RALYL: variants seen among roughly 807,000 people sequenced by gnomAD.
RALYL encodes RALY RNA binding protein like, also known as RNA-binding Raly-like protein.
Under a neutral mutation model 35.1 loss-of-function variants are expected in RALYL, and 29 were observed. The observed-to-expected ratio is 0.83, with a 90% CI of 0.61 to 1.13. The LOEUF (loss-of-function observed/expected upper bound fraction) is 1.13. RALYL is among the 50% of genes most tolerant of loss of function. The probability of loss-of-function intolerance (pLI) is 0.00; values close to 1 mark genes in which losing one functional copy is unlikely to be tolerated. For missense variants in RALYL, 359 were observed against 360.4 expected (o/e 1.00, Z 0.03); for synonymous variants, 120 against 127.6 (o/e 0.94, Z 0.40).
At chr8:84,622,475 C>A (rs1003473151) in intron 2 of RALYL, among the ~76,000 whole-genome samples, 1 of 152,070 alleles carries the variant, frequency 6.6e-6, no homozygotes, top group Admixed American at 6.6e-5. Context: ...AAATTTTGAG[C>A]AGATTTTACA....
chr8:84,479,854 A>G (rs2053863996), intron 1 of RALYL, among the ~76,000 whole-genome samples: 1 of 152,118 alleles, frequency 6.6e-6, no homozygotes, highest in Non-Finnish European at 1.5e-5. Context: ...TCATCTACAG[A>G]ATTTAGAAAC....
intron 3 of RALYL, among the ~76,000 whole-genome samples, chr8:84,797,348 A>G (rs1822180096): frequency 6.6e-6 from 1 of 152,250 alleles, no homozygotes; most frequent in Admixed American, 6.5e-5. Flanking sequence ...GAGGACATTC[A>G]GATAACAGCA....
At chr8:84,543,716 C>CT (rs761073361) in intron 2 of RALYL, among the ~76,000 whole-genome samples, 9 of 151,906 alleles carry the variant, frequency 5.9e-5, no homozygotes, top group Non-Finnish European at 1.0e-4. Context: ...TGACATAACT[C>CT]TAAGAGTCTT....
intron 1 of RALYL, among the ~76,000 whole-genome samples, chr8:84,328,936 T>G (rs1241480617): frequency 6.6e-6 from 1 of 152,186 alleles, no homozygotes. Flanking sequence ...AAGGACGTGA[T>G]TTCATTCGTT....
At chr8:84,732,555 A>C (rs984683636) in intron 2 of RALYL, among the ~76,000 whole-genome samples, 5 of 151,740 alleles carry the variant, frequency 3.3e-5, no homozygotes, top group Non-Finnish European at 7.4e-5. Flanking sequence ...ATGTCATTTC[A>C]GTACAAATTT....
At chr8:84,814,303 C>T (rs1227194878) in intron 4 of RALYL, among the ~76,000 whole-genome samples, 1 of 151,708 alleles carries the variant, frequency 6.6e-6, no homozygotes, top group Non-Finnish European at 1.5e-5. Flanking sequence ...TTATAAAAAG[C>T]AAAAGAAGTT....
At position 84,660,830 on chromosome 8, in the gene RALYL, T is replaced by C. The variant is rs1588840312; in HGVS notation, c.257-113749T>C. 3.3e-5 allele frequency among the ~76,000 whole-genome samples: 5 copies of C among 152,252 alleles called. No individual in the cohort carries two copies. The East Asian group carries it at 9.6e-4, about 29-fold the overall frequency. On this transcript the variant is annotated intron_variant, in intron 2 of 8. Transcript: ENST00000521268. ...ATTTTGAATATATTCCCAAGAGAAT[T>C]TGAAAAGAAAGTTTGGATTCTATTT...
chr8:84,875,950 G>A (rs1841048808), intron 7 of RALYL, among the ~76,000 whole-genome samples: 1 of 152,050 alleles, frequency 6.6e-6, no homozygotes, highest in Admixed American at 6.6e-5. Flanking sequence ...AGAAATAATG[G>A]CAGGAAGGAG....
At chr8:84,209,387 A>G (rs1294899345) in intron 1 of RALYL, among the ~76,000 whole-genome samples, 1 of 152,152 alleles carries the variant, frequency 6.6e-6, no homozygotes, top group Non-Finnish European at 1.5e-5. Flanking sequence ...CAAATTTAGA[A>G]TCAGACATAT....
At chr8:84,595,166 A>G (rs1263581982) in intron 2 of RALYL, among the ~76,000 whole-genome samples, 1 of 152,190 alleles carries the variant, frequency 6.6e-6, no homozygotes, top group Non-Finnish European at 1.5e-5. Context: ...CAGGAACTCC[A>G]TAAAAATAAT....
chr8:84,274,100 A>G (rs2131986062), intron 1 of RALYL, among the ~76,000 whole-genome samples: 1 of 152,312 alleles, frequency 6.6e-6, no homozygotes, highest in Middle Eastern at 3.4e-3. Context: ...GGTCATGATT[A>G]TATGCCTAGA....
At chr8:84,368,501 G>C (rs974284378) in intron 1 of RALYL, among the ~76,000 whole-genome samples, 4 of 152,136 alleles carry the variant, frequency 2.6e-5, no homozygotes, top group African/African-American at 4.8e-5. Context: ...TGCTGATAAA[G>C]ATATACCTGA....
chr8:84,235,761 C>CTTT (rs200486763), intron 1 of RALYL, among the ~76,000 whole-genome samples: 98 of 138,126 alleles, frequency 7.1e-4, no homozygotes, highest in African/African-American at 1.5e-3. Flanking sequence ...TTTTCTTTTT[C>CTTT]TTTTTCTTTT....
At chr8:84,857,750 TTA>T (rs1400239535) in intron 5 of RALYL, among the ~76,000 whole-genome samples, 4 of 152,154 alleles carry the variant, frequency 2.6e-5, no homozygotes, top group African/African-American at 4.8e-5. Flanking sequence ...TGTACATATA[TTA>T]TGTTTTCAAT....
chr8:84,868,199 T>C (rs1839529644), intron 6 of RALYL, among the ~76,000 whole-genome samples: 1 of 152,078 alleles, frequency 6.6e-6, no homozygotes, highest in African/African-American at 2.4e-5. Flanking sequence ...GCAATCTTTT[T>C]AAAGAACACT....
intron 1 of RALYL, among the ~76,000 whole-genome samples, chr8:84,392,007 G>A (rs1240785664): frequency 6.6e-6 from 1 of 152,018 alleles, no homozygotes; most frequent in African/African-American, 2.4e-5. Context: ...GAAATACCAG[G>A]CTTTGAAAGC....
At chr8:84,283,434 G>A (rs1837000084) in intron 1 of RALYL, among the ~76,000 whole-genome samples, 1 of 152,116 alleles carries the variant, frequency 6.6e-6, no homozygotes, top group Non-Finnish European at 1.5e-5. Context: ...AGTCCCATGA[G>A]GAGAAAATGA....
intron 2 of RALYL, among the ~76,000 whole-genome samples, chr8:84,688,114 C>T (rs937403192): frequency 6.6e-6 from 1 of 151,524 alleles, no homozygotes; most frequent in Non-Finnish European, 1.5e-5. Flanking sequence ...TCTCACTCCT[C>T]ATAGTTTTTT....
chr8:84,693,302 C>T (rs1210447428), intron 2 of RALYL, among the ~76,000 whole-genome samples: 1 of 151,688 alleles, frequency 6.6e-6, no homozygotes, highest in East Asian at 1.9e-4. Flanking sequence ...GGAGGCCTCA[C>T]AAAACTTACA....
Sources: gnomAD v4.1 joint callset for allele counts (sites outside exome capture counted in the v4.1 genomes callset) on GRCh38, gnomAD v4.1.1 for gene constraint, MANE v1.5 for transcripts, NCBI Gene and HGNC (gene_info 2026-07-23, HGNC 2026-07-21) for gene names.